Variants in SLIT2 observed in about 807,000 individuals in gnomAD.
The protein encoded by SLIT2 is slit guidance ligand 2.
In SLIT2, 41 loss-of-function variants were observed where a neutral mutation model predicts 185.7. That is an observed-to-expected ratio of 0.22 (90% CI 0.17 to 0.29). SLIT2 has a LOEUF of 0.29. Among genes scored for constraint, SLIT2 ranks in the 10% least tolerant of loss-of-function variants. The probability of loss-of-function intolerance (pLI) is 1.00; values close to 1 mark genes in which losing one functional copy is unlikely to be tolerated. For missense variants in SLIT2, 1,571 were observed against 1,909.0 expected, an observed-to-expected ratio of 0.82 and a Z score of 3.30; for synonymous variants, 693 against 680.2, an observed-to-expected ratio of 1.02 and a Z score of -0.29.
At chr4:20,376,141 T>C (rs1020392862) in intron 4 of SLIT2, among the ~76,000 whole-genome samples, 1 of 115,686 alleles carries the variant, frequency 8.6e-6, no homozygotes, top group Non-Finnish European at 1.8e-5. Flanking sequence ...TTTTTTTTTT[T>C]ACAAATCTCT....
intron 4 of SLIT2, among the ~76,000 whole-genome samples, chr4:20,390,109 A>G (rs1001498767): frequency 2.6e-5 from 4 of 152,076 alleles, no homozygotes; most frequent in Non-Finnish European, 5.9e-5. Context: ...GAATGTGTAC[A>G]TGTAACTCCA....
intron 4 of SLIT2, among the ~76,000 whole-genome samples, chr4:20,351,527 C>T (rs1189083405): frequency 6.6e-6 from 1 of 152,092 alleles, no homozygotes; most frequent in African/African-American, 2.4e-5. Flanking sequence ...GAATTCCCAC[C>T]CTGATTCCTC....
At chr4:20,296,117 TC>T (rs931245300) in intron 4 of SLIT2, among the ~76,000 whole-genome samples, 2 of 152,224 alleles carry the variant, frequency 1.3e-5, no homozygotes, top group African/African-American at 4.8e-5. Flanking sequence ...CAAATTAATT[TC>T]TCCTTTTGTT....
chr4:20,562,454 TC>T (rs1344689097), intron 26 of SLIT2, among the ~76,000 whole-genome samples: 1 of 151,790 alleles, frequency 6.6e-6, no homozygotes, highest in African/African-American at 2.4e-5. Context: ...TGGATTCTTC[TC>T]CCTTGATGGC....
At chr4:20,320,869 A>G (rs191041253) in intron 4 of SLIT2, among the ~76,000 whole-genome samples, 5 of 152,262 alleles carry the variant, frequency 3.3e-5, no homozygotes, top group Admixed American at 2.0e-4. Flanking sequence ...CAAACACATA[A>G]AAGCTAAATT....
At chr4:20,408,906 A>G (rs907200760) in intron 4 of SLIT2, among the ~76,000 whole-genome samples, 17 of 152,170 alleles carry the variant, frequency 1.1e-4, no homozygotes, top group Admixed American at 2.6e-4. Context: ...AAAGAATACC[A>G]TCTACTTCTA....
At chr4:20,538,069 C>T (rs1056464220) in intron 18 of SLIT2, among the ~76,000 whole-genome samples, 4 of 152,206 alleles carry the variant, frequency 2.6e-5, no homozygotes, top group Non-Finnish European at 4.4e-5. Flanking sequence ...ACGCCAGTCT[C>T]CTGCCTCAGC....
At chr4:20,425,590 G>T (rs1439276468) in intron 4 of SLIT2, among the ~76,000 whole-genome samples, 1 of 152,032 alleles carries the variant, frequency 6.6e-6, no homozygotes, top group Non-Finnish European at 1.5e-5. Context: ...ATTTTAACTT[G>T]CTGGAAATTA....
chr4:20,310,549 C>G (rs151035285), intron 4 of SLIT2, among the ~76,000 whole-genome samples: 264 of 152,236 alleles, frequency 1.7e-3, no homozygotes, highest in Non-Finnish European at 3.1e-3. Context: ...CTTCTCCTGT[C>G]CTGTTCAGCA....
chr4:20,482,758 A>G (rs1406890558), intron 6 of SLIT2, among the ~76,000 whole-genome samples: 1 of 151,974 alleles, frequency 6.6e-6, no homozygotes, highest in Non-Finnish European at 1.5e-5. Context: ...ATAGAAGACA[A>G]TGTAAATTTC....
At chr4:20,291,280 A>T (rs1363494363) in intron 4 of SLIT2, among the ~76,000 whole-genome samples, 1 of 151,618 alleles carries the variant, frequency 6.6e-6, no homozygotes, top group Non-Finnish European at 1.5e-5. Flanking sequence ...TCAGTGTGGT[A>T]TGCACATTCT....
chr4:20,268,855 T>G lies in SLIT2; in HGVS notation c.369T>G (p.Phe123Leu). 1 of 1,610,382 alleles carries G rather than the reference T, an allele frequency of 6.2e-7. No individual in the cohort carries two copies. Among genetic ancestry groups the G allele is most frequent in the African/African-American group, 1.3e-5 (1 of 74,902 alleles). Residue 123 changes from phenylalanine to leucine, a missense_variant, in exon 4 of 37, where the codon TTT becomes TTG. Coordinates refer to ENST00000504154, the MANE Select transcript of SLIT2 (RefSeq NM_004787.4). Reference protein sequence around the residue: ...NHLQLFPELLFLGTAKLYRLD... With the variant: ...NHLQLFPELLLLGTAKLYRLD... ...TTCAGCTGTTTCCTGAGTTGCTGTT[T>G]CTTGGGACTGCGAAGCTATACAGGC...
intron 4 of SLIT2, among the ~76,000 whole-genome samples, chr4:20,402,189 T>C (rs986889696): frequency 1.3e-5 from 2 of 151,788 alleles, no homozygotes; most frequent in Non-Finnish European, 2.9e-5. Flanking sequence ...GTCATATAGC[T>C]GGGAAGACAT....
chr4:20,324,207 GC>G (rs1186721215), intron 4 of SLIT2, among the ~76,000 whole-genome samples: 1 of 152,094 alleles, frequency 6.6e-6, no homozygotes, highest in Non-Finnish European at 1.5e-5. Context: ...AGTCTTTGGA[GC>G]CTGGGCATGA....
chr4:20,265,166 G>T (rs774431027), intron 3 of SLIT2, among the ~76,000 whole-genome samples: 3 of 151,796 alleles, frequency 2.0e-5, no homozygotes, highest in Non-Finnish European at 4.4e-5. Context: ...GCAAATTTCT[G>T]TCACAATTAG....
intron 15 of SLIT2, among the ~76,000 whole-genome samples, chr4:20,527,435 C>T (rs771028175): frequency 1.3e-5 from 2 of 152,044 alleles, no homozygotes; most frequent in Admixed American, 6.5e-5. Flanking sequence ...TACAGGCGCC[C>T]GCAACCATGC....
chr4:20,269,812 G>T (rs528834586), intron 4 of SLIT2, among the ~76,000 whole-genome samples: 2 of 151,792 alleles, frequency 1.3e-5, no homozygotes, highest in Admixed American at 6.6e-5. Flanking sequence ...CTAGTTCAAT[G>T]TGGTTATCAA....
rs1286682103 is a variant in SLIT2 at position 20,548,575 on chromosome 4, T to C, written c.2417+16T>C. The C allele has an allele frequency of 6.7e-6, 10 of 1,503,222 alleles. No homozygotes were observed. Among genetic ancestry groups the C allele is most frequent in the African/African-American group, 5.5e-5 (4 of 72,600 alleles). The allele number at this position is 1,503,222 out of a possible 1,614,324, so 93.1% of individuals were successfully genotyped here. ...TCCTCACCTTGTGAGTGTGAAAGTG[T>C]GGTACTGAGTATTCATTAATTCAAT... On this transcript the variant is annotated intron_variant, in intron 23 of 36. Coordinates refer to ENST00000504154, the MANE Select transcript of SLIT2 (RefSeq NM_004787.4).
chr4:20,368,559 A>C (rs73801822), intron 4 of SLIT2, among the ~76,000 whole-genome samples: 2,082 of 152,252 alleles, frequency 0.014, 41 homozygotes, highest in African/African-American at 0.048. Flanking sequence ...CAACAAATTT[A>C]ATTGTAGTCA....
Sources: gnomAD v4.1 joint callset for allele counts (sites outside exome capture counted in the v4.1 genomes callset) on GRCh38, gnomAD v4.1.1 for gene constraint, MANE v1.5 for transcripts, NCBI Gene and HGNC (gene_info 2026-07-23, HGNC 2026-07-21) for gene names.